RALGAPA2: variants seen among roughly 807,000 people sequenced by gnomAD.
The protein encoded by RALGAPA2 is Ral GTPase activating protein catalytic subunit alpha 2.
RALGAPA2 carries 139 observed loss-of-function variants against 230.4 expected under a neutral mutation model. That is an observed-to-expected ratio of 0.60 (90% CI 0.53 to 0.69). The LOEUF (loss-of-function observed/expected upper bound fraction) is 0.69, where lower values mean the gene tolerates loss of function less well. Ranked by LOEUF, RALGAPA2 falls within the 30% of genes least tolerant of loss-of-function variation. The pLI, the probability that RALGAPA2 is intolerant of heterozygous loss-of-function variation, is 0.00. For synonymous variants in RALGAPA2, 847 were observed against 837.8 expected (o/e 1.01, Z -0.19); for missense variants, 2,163 against 2,276.0 (o/e 0.95, Z 1.01).
chr20:20,551,307 G>C lies in RALGAPA2; in HGVS notation c.3157-4475C>G, dbSNP rs577885656. ...CTAAAATAAAATGAGGTTTATTCTT[G>C]AGAGTTGAACATATGACACGTAGAC... On this transcript the variant is annotated intron_variant, in intron 23 of 39. Coordinates refer to ENST00000202677, the MANE Select transcript of RALGAPA2 (RefSeq NM_020343.4). Among the ~76,000 whole-genome samples, 23 of 152,320 alleles carry C rather than the reference G, an allele frequency of 1.5e-4. No homozygotes were observed. The South Asian group carries it at 4.4e-3, about 29-fold the overall frequency.
At chr20:20,523,036 G>A (rs2063092388) in intron 30 of RALGAPA2, among the ~76,000 whole-genome samples, 1 of 148,974 alleles carries the variant, frequency 6.7e-6, no homozygotes, top group East Asian at 1.9e-4. Context: ...ACAATTAGGT[G>A]TTTTTTTTTT....
intron 2 of RALGAPA2, among the ~76,000 whole-genome samples, chr20:20,679,244 C>G (rs1208202737): frequency 1.3e-5 from 2 of 152,256 alleles, no homozygotes; most frequent in African/African-American, 2.4e-5. Flanking sequence ...CTCCAGGGTT[C>G]CTGCGCTAAT....
chr20:20,399,270 T>G (rs1381836331), intron 38 of RALGAPA2, among the ~76,000 whole-genome samples: 5 of 138,622 alleles, frequency 3.6e-5, no homozygotes, highest in African/African-American at 5.4e-5. Context: ...TCGCTTGAAC[T>G]GGGGAGGTGG....
chr20:20,685,969 C>A (rs1366104855), intron 1 of RALGAPA2, among the ~76,000 whole-genome samples: 1 of 151,990 alleles, frequency 6.6e-6, no homozygotes, highest in African/African-American at 2.4e-5. Context: ...CCTGGCAGAG[C>A]TAGAGGTCAT....
At chr20:20,586,816 T>C (rs993571835) in intron 18 of RALGAPA2, among the ~76,000 whole-genome samples, 11 of 151,912 alleles carry the variant, frequency 7.2e-5, no homozygotes, top group Middle Eastern at 3.4e-3. Flanking sequence ...GAATAGAAAA[T>C]ATAAAAAACA....
intron 36 of RALGAPA2, among the ~76,000 whole-genome samples, chr20:20,491,685 C>T (rs2062063180): frequency 1.3e-5 from 2 of 152,120 alleles, no homozygotes; most frequent in Admixed American, 1.3e-4. Flanking sequence ...TGACTGCTGA[C>T]TTAATAATAA....
intron 7 of RALGAPA2, among the ~76,000 whole-genome samples, chr20:20,638,939 G>A (rs1344019403): frequency 6.6e-6 from 1 of 152,194 alleles, no homozygotes; most frequent in Admixed American, 6.5e-5. Flanking sequence ...TGAAAGGAAG[G>A]GAGGAGAATT....
chr20:20,531,640 C>A, intron 27 of RALGAPA2, 47 bp downstream of exon 27: 1 of 1,405,822 alleles, frequency 7.1e-7, no homozygotes, highest in Non-Finnish European at 9.9e-7. Flanking sequence ...CTGTTAAATG[C>A]CTCAGATATG....
At chr20:20,482,026 G>C (rs1012411505) in intron 36 of RALGAPA2, among the ~76,000 whole-genome samples, 1 of 152,080 alleles carries the variant, frequency 6.6e-6, no homozygotes, top group African/African-American at 2.4e-5. Flanking sequence ...CTGAGAAACA[G>C]AATTTTTATT....
At chr20:20,708,402 G>A (rs927509925) in intron 1 of RALGAPA2, among the ~76,000 whole-genome samples, 2 of 152,124 alleles carry the variant, frequency 1.3e-5, no homozygotes, top group Non-Finnish European at 2.9e-5. Flanking sequence ...GTCAAGGGCC[G>A]GGTGGAGATA....
chr20:20,615,414 G>A (rs1280100931), intron 13 of RALGAPA2, among the ~76,000 whole-genome samples: 1 of 151,846 alleles, frequency 6.6e-6, no homozygotes, highest in Non-Finnish European at 1.5e-5. Context: ...CACCCACCTC[G>A]GCCTCCCAAA....
intron 13 of RALGAPA2, 142 bp downstream of exon 13, chr20:20,615,901 A>C (rs2066126749): frequency 1.7e-6 from 1 of 596,690 alleles, no homozygotes; most frequent in East Asian, 3.3e-5. Flanking sequence ...TACCTTCTTC[A>C]TAATTCACAG....
At chr20:20,584,776 G>A in intron 19 of RALGAPA2, 89 bp downstream of exon 19, 7 of 1,044,866 alleles carry the variant, frequency 6.7e-6, no homozygotes, top group Non-Finnish European at 6.9e-6. Context: ...GTGAGACTGA[G>A]TCTCTAATAA....
At chr20:20,549,707 C>CA (rs1231030509) in intron 23 of RALGAPA2, among the ~76,000 whole-genome samples, 2 of 152,194 alleles carry the variant, frequency 1.3e-5, no homozygotes, top group Non-Finnish European at 2.9e-5. Context: ...TGCATATTCT[C>CA]AATAGTGGGA....
Position 20,524,913 on chromosome 20 carries a change from A to C in RALGAPA2, c.3694-15T>G. The stretch of plus-strand genomic sequence containing the variant: ...GCCACGAGGATCTGCATAAAAGATA[A>C]ATCCCCAATCAAACAGACCATATTT... On this transcript the variant is annotated splice_polypyrimidine_tract_variant and intron_variant, in intron 28 of 39. Transcript: ENST00000202677. The C allele has an allele frequency of 6.3e-7, 1 of 1,594,256 alleles. No individual in the cohort carries two copies. The highest frequency in any genetic ancestry group is 8.6e-7 in the Non-Finnish European group (1 of 1,168,854).
At chr20:20,529,969 C>T (rs938603861) in intron 27 of RALGAPA2, among the ~76,000 whole-genome samples, 4 of 152,128 alleles carry the variant, frequency 2.6e-5, no homozygotes, top group African/African-American at 9.7e-5. Context: ...AATTCAAAAA[C>T]AGATCTTGGA....
At chr20:20,511,113 T>G (rs1159525404) in intron 33 of RALGAPA2, 141 bp downstream of exon 33, 1 of 1,358,518 alleles carries the variant, frequency 7.4e-7, no homozygotes, top group Non-Finnish European at 9.8e-7. Context: ...CGGTATGGCA[T>G]GCGCAAATGT....
At chr20:20,438,798 C>A (rs543807370) in intron 37 of RALGAPA2, among the ~76,000 whole-genome samples, 1 of 152,294 alleles carries the variant, frequency 6.6e-6, no homozygotes, top group African/African-American at 2.4e-5. Context: ...TATTTCCCCC[C>A]AAACAACTAA....
chr20:20,514,919 C>T (rs907887857), intron 31 of RALGAPA2, among the ~76,000 whole-genome samples: 2 of 152,338 alleles, frequency 1.3e-5, no homozygotes, highest in Admixed American at 1.3e-4. Context: ...AACCAGGAGC[C>T]AAGGAGATTT....
Sources: gnomAD v4.1 joint callset for allele counts (sites outside exome capture counted in the v4.1 genomes callset) on GRCh38, gnomAD v4.1.1 for gene constraint, MANE v1.5 for transcripts, NCBI Gene and HGNC (gene_info 2026-07-23, HGNC 2026-07-21) for gene names.